PRKCI: variants seen among roughly 807,000 people sequenced by gnomAD.
The protein encoded by PRKCI is protein kinase C iota type.
A neutral mutation model predicts 84.0 loss-of-function variants in PRKCI; 43 were observed. That is an observed-to-expected ratio of 0.51 (90% CI 0.40 to 0.66). The LOEUF (loss-of-function observed/expected upper bound fraction) is 0.66. Ranked by LOEUF, PRKCI falls within the 30% of genes least tolerant of loss-of-function variation. The pLI, the probability that PRKCI is intolerant of heterozygous loss-of-function variation, is 0.00. For synonymous variants in PRKCI, 216 were observed against 234.4 expected (o/e 0.92, Z 0.72); for missense variants, 459 against 745.6 (o/e 0.62, Z 4.48).
rs750366555 is a variant in PRKCI at position 170,287,908 on chromosome 3, C to CAA, written c.1203+3333_1203+3334dup. Among the ~76,000 whole-genome samples the CAA allele has an allele frequency of 5.9e-3, 292 of 49,398 alleles. 4 individuals are homozygous for CAA. Among genetic ancestry groups the CAA allele is most frequent in the Middle Eastern group, 9.6e-3 (1 of 104 alleles). The allele number at this position is 49,398 out of a possible 152,430, so 32.4% of individuals were successfully genotyped here. Reference sequence around the variant, plus strand: ...TGGGTGACAAAGTGAGACTCTGTCTCAAAAAAAAAAAAAAAAAAAAAAGAA... The same window carrying CAA: ...TGGGTGACAAAGTGAGACTCTGTCTCAAAAAAAAAAAAAAAAAAAAAAAAGAA... On this transcript the variant is annotated intron_variant, in intron 12 of 17. Coordinates refer to ENST00000295797, the MANE Select transcript of PRKCI (RefSeq NM_002740.6).
At chr3:170,272,087 G>T (rs916270684) in intron 6 of PRKCI, among the ~76,000 whole-genome samples, 1 of 152,152 alleles carries the variant, frequency 6.6e-6, no homozygotes, top group East Asian at 1.9e-4. Flanking sequence ...CACCTGCCTC[G>T]GTCTCCCAAA....
At chr3:170,242,886 G>A in intron 2 of PRKCI, among the ~76,000 whole-genome samples, 1 of 151,924 alleles carries the variant, frequency 6.6e-6, no homozygotes. Context: ...GGCCAGGCTG[G>A]TCTCGAACTC....
intron 12 of PRKCI, among the ~76,000 whole-genome samples, chr3:170,288,089 C>A (rs920963997): frequency 2.6e-5 from 4 of 151,246 alleles, no homozygotes; most frequent in African/African-American, 9.7e-5. Flanking sequence ...ACTAAAAATA[C>A]AAAAAAATTA....
intron 11 of PRKCI, among the ~76,000 whole-genome samples, chr3:170,283,366 A>G (rs1734300903): frequency 6.6e-6 from 1 of 152,220 alleles, no homozygotes; most frequent in East Asian, 1.9e-4. Flanking sequence ...CATGCAGGGA[A>G]TAAATATTAG....
chr3:170,298,619 T>C lies in PRKCI; in HGVS notation c.1588-376T>C, dbSNP rs548117938. On this transcript the variant is annotated intron_variant, in intron 16 of 17. Coordinates refer to ENST00000295797, the MANE Select transcript of PRKCI (RefSeq NM_002740.6). ...CGGGGTTTAGCTATGTTGGCCAGGC[T>C]GGTCTTGAATCCCTGACCTCAGGTG... 2.0e-3 allele frequency among the ~76,000 whole-genome samples: 307 copies of C among 152,310 alleles called. 1 individual carries two copies. The highest frequency in any genetic ancestry group is 3.5e-3 in the Non-Finnish European group (239 of 68,022).
chr3:170,235,137 A>T, intron 1 of PRKCI, 93 bp from the exon 2 acceptor site: 3 of 1,297,244 alleles, frequency 2.3e-6, no homozygotes, highest in Admixed American at 2.1e-5. Flanking sequence ...ACACAAAATT[A>T]CTGAAGTTCA....
intron 12 of PRKCI, among the ~76,000 whole-genome samples, 174 bp downstream of exon 12, chr3:170,284,770 GTA>G (rs1408528415): frequency 6.6e-6 from 1 of 152,186 alleles, no homozygotes; most frequent in Middle Eastern, 3.4e-3. Context: ...TGCAAAATTT[GTA>G]TCTTCTGTGT....
intron 16 of PRKCI, among the ~76,000 whole-genome samples, chr3:170,298,654 C>T (rs1053774057): frequency 2.6e-5 from 4 of 152,130 alleles, no homozygotes; most frequent in Non-Finnish European, 4.4e-5. Flanking sequence ...GATCTGCGCA[C>T]CTTGGCCTCC....
chr3:170,270,012 C>T (rs1733959825), intron 5 of PRKCI, among the ~76,000 whole-genome samples: 1 of 151,726 alleles, frequency 6.6e-6, no homozygotes, highest in African/African-American at 2.4e-5. Context: ...TGAGAAGTCA[C>T]TTTAGGTTAT....
chr3:170,222,825 G>A (rs1732524843), intron 1 of PRKCI, 55 bp downstream of exon 1: 81 of 1,399,094 alleles, frequency 5.8e-5, no homozygotes, highest in South Asian at 4.3e-4. Flanking sequence ...GCTCCACTCG[G>A]CCTGGAGGAG....
intron 1 of PRKCI, among the ~76,000 whole-genome samples, chr3:170,230,609 C>T (rs1384840432): frequency 1.3e-5 from 2 of 152,218 alleles, no homozygotes; most frequent in South Asian, 2.1e-4. Context: ...GGATTTTAGG[C>T]GTGAGCCACT....
rs917348670 is a variant in PRKCI at position 170,251,858 on chromosome 3, C to T, written c.224-8111C>T. Among the ~76,000 whole-genome samples, 17 of 150,574 alleles carry T rather than the reference C, an allele frequency of 1.1e-4. No individual in the cohort carries two copies. In the East Asian group the frequency reaches 1.4e-3, roughly 12 times the overall value. On this transcript the variant is annotated intron_variant, in intron 2 of 17. Transcript: ENST00000295797. ...CCAGGAAGTGGAGGTTGCAGTGAGC[C>T]GAGATCACGCCACTGCACTCCAGCC...
chr3:170,243,174 C>T (rs1200259387), intron 2 of PRKCI, among the ~76,000 whole-genome samples: 2 of 152,154 alleles, frequency 1.3e-5, no homozygotes, highest in Non-Finnish European at 2.9e-5. Flanking sequence ...GAGAACGTAT[C>T]TGTTATCCCC....
chr3:170,273,773 C>T (rs1734051713), intron 7 of PRKCI, among the ~76,000 whole-genome samples: 1 of 150,316 alleles, frequency 6.7e-6, no homozygotes, highest in African/African-American at 2.5e-5. Context: ...CAAGATCATG[C>T]CACTGCACTC....
chr3:170,281,131 A>C (rs1004858570), intron 9 of PRKCI, 35 bp from the exon 10 acceptor site: 1 of 1,526,182 alleles, frequency 6.6e-7, no homozygotes, highest in South Asian at 1.1e-5. Context: ...TTGTGATATC[A>C]GTTTGACATA....
At chr3:170,288,555 C>T (rs572400394) in intron 12 of PRKCI, among the ~76,000 whole-genome samples, 4 of 152,232 alleles carry the variant, frequency 2.6e-5, no homozygotes, top group Admixed American at 2.6e-4. Context: ...TTGAGACCAG[C>T]CTGGCCAACA....
intron 13 of PRKCI, 95 bp from the exon 14 acceptor site, chr3:170,293,288 A>T (rs774722714): frequency 3.0e-5 from 38 of 1,271,522 alleles, no homozygotes; most frequent in Non-Finnish European, 3.9e-5. Context: ...TTACTTTTTC[A>T]TTGTTTCTTT....
intron 17 of PRKCI, among the ~76,000 whole-genome samples, chr3:170,301,127 C>T (rs1734808621): frequency 6.6e-6 from 1 of 152,300 alleles, no homozygotes; most frequent in African/African-American, 2.4e-5. Flanking sequence ...ACAGTCTGAT[C>T]TCCCCAAAAG....
intron 2 of PRKCI, among the ~76,000 whole-genome samples, chr3:170,259,024 G>A (rs1733657528): frequency 6.6e-6 from 1 of 151,998 alleles, no homozygotes; most frequent in Non-Finnish European, 1.5e-5. Flanking sequence ...CACTTCTGTA[G>A]TCCCAGCTAT....
Sources: allele counts gnomAD v4.1 joint callset (sites outside exome capture counted in the v4.1 genomes callset), GRCh38; gene constraint gnomAD v4.1.1; transcripts MANE v1.5; gene names NCBI Gene and HGNC (gene_info 2026-07-23, HGNC 2026-07-21).